Variants in WFDC8 observed in about 807,000 individuals in gnomAD.
The protein encoded by WFDC8 is WAP four-disulfide core domain 8.
In WFDC8, 24 loss-of-function variants were observed where a neutral mutation model predicts 27.0. The observed-to-expected ratio is 0.89, with a 90% confidence interval of 0.64 to 1.25. WFDC8 has a LOEUF of 1.25. WFDC8 is among the 50% of genes most tolerant of loss of function. The pLI, the probability that WFDC8 is intolerant of heterozygous loss-of-function variation, is 0.00. For synonymous variants in WFDC8, 106 were observed against 99.7 expected (o/e 1.06, Z -0.38); for missense variants, 287 against 295.9 (o/e 0.97, Z 0.22).
At chr20:45,564,424 C>T (rs1191125170) in intron 1 of WFDC8, among the ~76,000 whole-genome samples, 1 of 152,040 alleles carries the variant, frequency 6.6e-6, no homozygotes, top group Admixed American at 6.5e-5. Context: ...GTAATCCCAG[C>T]ACTTTGGGAG....
intron 1 of WFDC8, chr20:45,568,704 TG>T: frequency 1.9e-6 from 1 of 532,970 alleles, no homozygotes; most frequent in Non-Finnish European, 3.8e-6. Context: ...ACTGCCATGC[TG>T]ATCACAGAAG....
intron 5 of WFDC8, 132 bp from the exon 6 acceptor site, chr20:45,552,297 A>C (rs759167781): frequency 1.1e-5 from 12 of 1,065,702 alleles, no homozygotes; most frequent in Non-Finnish European, 1.5e-5. Context: ...CTACAGTAAC[A>C]ATAGACTGGA....
At chr20:45,562,870 T>C (rs1401188107) in intron 1 of WFDC8, among the ~76,000 whole-genome samples, 4 of 152,144 alleles carry the variant, frequency 2.6e-5, no homozygotes, top group Non-Finnish European at 5.9e-5. Flanking sequence ...TATTTTAAGG[T>C]GTGAAAAACT....
At position 45,573,483 on chromosome 20, in the gene WFDC8, G is replaced by A. The variant is rs553331849; in HGVS notation, c.26+5739C>T. 6.5e-4 allele frequency among the ~76,000 whole-genome samples: 99 copies of A among 152,172 alleles called. No homozygotes were observed. In the South Asian group the frequency reaches 8.7e-3, roughly 13 times the overall value. On this transcript the variant is annotated intron_variant, in intron 1 of 5. Coordinates refer to ENST00000289953, the MANE Select transcript of WFDC8 (RefSeq NM_130896.3). ...CACTCCGCCCTTCTGAGTCTCCAAA[G>A]TCCATCATACCACCTGTATACCTTT... is the stretch of plus-strand genomic sequence containing the variant.
chr20:45,566,397 C>A (rs1980678338), intron 1 of WFDC8, among the ~76,000 whole-genome samples: 1 of 152,184 alleles, frequency 6.6e-6, no homozygotes, highest in African/African-American at 2.4e-5. Flanking sequence ...TGCAGTGGCT[C>A]ATGCCTGTAA....
intron 5 of WFDC8, among the ~76,000 whole-genome samples, chr20:45,552,800 C>T (rs926376242): frequency 7.9e-5 from 12 of 152,126 alleles, no homozygotes; most frequent in African/African-American, 2.9e-4. Context: ...GACATGAGGG[C>T]TTATTAGGAA....
At chr20:45,574,045 A>G (rs1178180989) in intron 1 of WFDC8, among the ~76,000 whole-genome samples, 2 of 152,192 alleles carry the variant, frequency 1.3e-5, no homozygotes, top group Non-Finnish European at 1.5e-5. Context: ...TTAAATTTCT[A>G]TAAGAAATGC....
chr20:45,572,716 C>T (rs140512580), intron 1 of WFDC8, among the ~76,000 whole-genome samples: 3 of 152,170 alleles, frequency 2.0e-5, no homozygotes, highest in African/African-American at 4.8e-5. Context: ...AAGCAATTCT[C>T]GTGCCTCAGC....
At chr20:45,559,666 TG>T (rs1218740082) in intron 2 of WFDC8, 3 of 152,230 alleles carry the variant, frequency 2.0e-5, no homozygotes, top group African/African-American at 7.2e-5. Flanking sequence ...CTATAATGCC[TG>T]GGGTAAGACC....
intron 1 of WFDC8, among the ~76,000 whole-genome samples, chr20:45,576,586 C>A (rs1034212803): frequency 6.6e-6 from 1 of 151,016 alleles, no homozygotes; most frequent in African/African-American, 2.4e-5. Flanking sequence ...TTAGTAGAGA[C>A]GGGGTCTTTC....
chr20:45,570,412 T>C (rs1346438548), intron 1 of WFDC8, among the ~76,000 whole-genome samples: 2 of 151,012 alleles, frequency 1.3e-5, no homozygotes, highest in African/African-American at 4.9e-5. Context: ...TATATATATT[T>C]TAAAAAATTA....
At position 45,551,864 on chromosome 20, in the gene WFDC8, A is replaced by G. The variant is rs1980045762; in HGVS notation, c.*162T>C. The G allele has an allele frequency of 1.1e-6, 1 of 897,430 alleles. No individual in the cohort carries two copies. The highest frequency in any genetic ancestry group is 1.7e-5 in the African/African-American group (1 of 59,010). The allele number at this position is 897,430 out of a possible 1,614,324, so 55.6% of individuals were successfully genotyped here. On this transcript the variant is annotated 3_prime_UTR_variant, in exon 6 of 6. Transcript: ENST00000289953. Reference sequence around the variant, plus strand: ...AAGTTGAAAAAAAGCCAAATATATCATCACTTTCAGATGATGGGATTATAT... The same window carrying G: ...AAGTTGAAAAAAAGCCAAATATATCGTCACTTTCAGATGATGGGATTATAT...
intron 4 of WFDC8, among the ~76,000 whole-genome samples, chr20:45,555,187 A>G (rs1296912089): frequency 6.6e-6 from 1 of 152,238 alleles, no homozygotes; most frequent in Admixed American, 6.5e-5. Context: ...TTGACTCCTA[A>G]GTTTGGTAGG....
At chr20:45,568,609 T>C in intron 1 of WFDC8, 4 of 528,188 alleles carry the variant, frequency 7.6e-6, no homozygotes, top group Non-Finnish European at 3.9e-6. Flanking sequence ...TTTATATTCC[T>C]GAATTCAGTG....
At chr20:45,568,983 C>G (rs909429924) in intron 1 of WFDC8, among the ~76,000 whole-genome samples, 2 of 152,210 alleles carry the variant, frequency 1.3e-5, no homozygotes, top group Non-Finnish European at 2.9e-5. Context: ...AATCCAGCTT[C>G]TATGTAGGTA....
At chr20:45,572,819 C>T (rs966394484) in intron 1 of WFDC8, among the ~76,000 whole-genome samples, 5 of 152,212 alleles carry the variant, frequency 3.3e-5, no homozygotes, top group African/African-American at 1.2e-4. Flanking sequence ...GTTGGCCAGG[C>T]TGGTCTTGAA....
intron 2 of WFDC8, among the ~76,000 whole-genome samples, chr20:45,561,739 CGTGTGTGTGT>C (rs10534885): frequency 2.8e-4 from 42 of 147,448 alleles, no homozygotes; most frequent in South Asian, 4.4e-4. Flanking sequence ...ATTAAACTTG[CGTGTGTGTGT>C]GTGTGTGTGT....
chr20:45,568,263 G>T, intron 1 of WFDC8: 1 of 234,754 alleles, frequency 4.3e-6, no homozygotes, highest in Non-Finnish European at 8.8e-6. Context: ...GTGGAATAGT[G>T]ATGTTTCATA....
In WFDC8 at chr20:45,579,235, G is replaced by C. The variant is rs200616959; in HGVS notation, c.13C>G (p.Arg5Gly). Residue 5 changes from arginine (R) to glycine (G), a missense_variant, in exon 1 of 6, where the codon CGA becomes GGA. Coordinates refer to ENST00000289953, the MANE Select transcript of WFDC8 (RefSeq NM_130896.3). ...CACCCTCCTCACCCTCCTTCAGTTCGGACAGTCCACATCAGGCCTCTTCCC... is the reference window on the plus strand; with the variant it reads ...CACCCTCCTCACCCTCCTTCAGTTCCGACAGTCCACATCAGGCCTCTTCCC... MWTV[R>G]TEGGHFPLHS... The C allele has an allele frequency of 2.5e-6, 4 of 1,613,398 alleles. No individual in the cohort carries two copies. Among genetic ancestry groups the C allele is most frequent in the Non-Finnish European group, 3.4e-6 (4 of 1,179,850 alleles).
Sources: gnomAD v4.1 joint callset for allele counts (sites outside exome capture counted in the v4.1 genomes callset) on GRCh38, gnomAD v4.1.1 for gene constraint, MANE v1.5 for transcripts, NCBI Gene and HGNC (gene_info 2026-07-23, HGNC 2026-07-21) for gene names.